AMHR2: variants seen among roughly 807,000 people sequenced by gnomAD.
AMHR2 encodes the protein anti-Muellerian hormone type-2 receptor.
Under a neutral mutation model 61.4 loss-of-function variants are expected in AMHR2, and 36 were observed. The observed-to-expected ratio is 0.59, with a 90% CI of 0.45 to 0.77. The LOEUF (loss-of-function observed/expected upper bound fraction) is 0.77, where lower values mean the gene tolerates loss of function less well. AMHR2 is among the 30% of genes least tolerant of loss of function. AMHR2 has a pLI of 0.00. For missense variants in AMHR2, 638 were observed against 714.6 expected, an observed-to-expected ratio of 0.89 and a Z score of 1.22; for synonymous variants, 258 against 279.4, an observed-to-expected ratio of 0.92 and a Z score of 0.76.
At position 53,431,222 on chromosome 12, in the gene AMHR2, G is replaced by C. The variant is rs780680518; in HGVS notation, c.1471G>C (p.Asp491His). 19 of 1,614,248 alleles carry C rather than the reference G, an allele frequency of 1.2e-5. No homozygotes were observed. The highest frequency in any genetic ancestry group is 1.5e-5 in the Non-Finnish European group (18 of 1,180,050). ...RELLEDCWDA[D>H]PEARLTAECV... ...GCTCCTAGAAGACTGTTGGGATGCAGACCCAGAAGCACGGCTGACAGCTGA... is the reference window on the plus strand; with the variant it reads ...GCTCCTAGAAGACTGTTGGGATGCACACCCAGAAGCACGGCTGACAGCTGA... The change falls in exon 11 of 11, where the codon GAC (aspartate) becomes CAC (histidine). Residue 491 changes from aspartate (D) to histidine (H), a missense_variant. Physicochemically the swap from Asp to His is moderately conservative, Grantham distance 81. Transcript: ENST00000257863.
At position 53,431,483 on chromosome 12, in the gene AMHR2, T is replaced by G. The variant is rs1470866001; in HGVS notation, c.*10T>G. 6.2e-7 allele frequency: 1 copy of G among 1,614,206 alleles called. No individual in the cohort carries two copies. The highest frequency in any genetic ancestry group is 1.7e-5 in the Admixed American group (1 of 60,032). On this transcript the variant is annotated 3_prime_UTR_variant, in exon 11 of 11. Coordinates refer to ENST00000257863, the MANE Select transcript of AMHR2 (RefSeq NM_020547.3). ...CCTTTCTCCTGTGTAAATATGCAGT[T>G]TATGTGTCATCAATGTACATGCCAA...
chr12:53,424,154 C>A, intron 1 of AMHR2, 134 bp from the exon 2 acceptor site: 2 of 1,369,150 alleles, frequency 1.5e-6, no homozygotes, highest in South Asian at 1.2e-5. Context: ...CCTCTGCTGA[C>A]CCTGCTTCCT....
rs115267458 is a variant in AMHR2, at chr12:53,425,829, C to T, written c.762C>T (p.His254=). 1.6e-4 allele frequency: 251 copies of T among 1,614,166 alleles called. No homozygotes were observed. Among genetic ancestry groups the T allele is most frequent in the East Asian group, 6.7e-4 (30 of 44,886 alleles). ...TGTACGAACTTCCAGGCCTACAGCA[C>T]GACCACATTGTCCGATTTATCACTG... is the stretch of plus-strand genomic sequence containing the variant. ...RALYELPGLQ[H]DHIVRFITAS... The change falls in exon 6 of 11, where the codon CAC becomes CAT. Residue 254 remains histidine (H), a synonymous_variant. Coordinates refer to ENST00000257863, the MANE Select transcript of AMHR2 (RefSeq NM_020547.3).
intron 8 of AMHR2, 75 bp downstream of exon 8, chr12:53,429,700 A>C: frequency 6.2e-7 from 1 of 1,601,192 alleles, no homozygotes; most frequent in Non-Finnish European, 8.5e-7. Context: ...ATTGTGTGTC[A>C]ACAGTTGTAG....
chr12:53,431,576 T>A lies in AMHR2; in HGVS notation c.*103T>A. On this transcript the variant is annotated 3_prime_UTR_variant, in exon 11 of 11. Transcript: ENST00000257863. ...CTGCATTTCCCACCTGCCGAATCCT[T>A]GGATTCTTCTGCGGGCATCCAGTCC... 1 of 1,460,492 alleles carries A rather than the reference T, an allele frequency of 6.8e-7. No homozygotes were observed. Among genetic ancestry groups the A allele is most frequent in the Non-Finnish European group, 9.5e-7 (1 of 1,053,766 alleles). The allele number at this position is 1,460,492 out of a possible 1,614,324, so 90.5% of individuals were successfully genotyped here.
Position 53,425,860 on chromosome 12 carries a change from C to CCG in AMHR2, c.793_794insCG (p.Arg265ProfsTer28). On this transcript the variant is annotated frameshift_variant, in exon 6 of 11. Coordinates refer to ENST00000257863, the MANE Select transcript of AMHR2 (RefSeq NM_020547.3). LOFTEE classifies it high-confidence loss of function. ...CATTGTCCGATTTATCACTGCCAGC[C>CCG]GGGGGGGTCCTGGCCGCCTGCTCTC... 5.0e-6 allele frequency: 8 copies of CCG among 1,613,876 alleles called. No homozygotes were observed. The highest frequency in any genetic ancestry group is 6.8e-6 in the Non-Finnish European group (8 of 1,179,982).
At chr12:53,430,368 C>G (rs1009327886) in intron 10 of AMHR2, 86 bp downstream of exon 10, 7 of 1,597,822 alleles carry the variant, frequency 4.4e-6, no homozygotes, top group Non-Finnish European at 6.0e-6. Flanking sequence ...GAGTGTCTGT[C>G]TACTCCTATC....
intron 6 of AMHR2, 142 bp from the exon 7 acceptor site, chr12:53,428,754 C>T (rs1194205537): frequency 1.1e-5 from 8 of 707,420 alleles, no homozygotes; most frequent in Non-Finnish European, 2.0e-5. Context: ...ACTCCTCTAC[C>T]TATTGTCTTG....
In AMHR2 at chr12:53,424,327, C is replaced by T. The variant is rs576863737; in HGVS notation, c.89C>T (p.Pro30Leu). ...NRRTCVFFEA[P>L]GVRGSTKTLG... ...CGAACCTGTGTGTTCTTTGAGGCCC[C>T]TGGAGTGCGGGGAAGCACAAAGACA... is the stretch of plus-strand genomic sequence containing the variant. The change falls in exon 2 of 11, where the codon CCT (proline) becomes CTT (leucine). Residue 30 changes from proline (P) to leucine (L), a missense_variant. Transcript: ENST00000257863. 3.3e-5 allele frequency: 54 copies of T among 1,613,016 alleles called. 1 individual carries two copies. The South Asian group carries it at 5.5e-4, about 16-fold the overall frequency.
intron 1 of AMHR2, 72 bp downstream of exon 1, chr12:53,424,055 C>T: frequency 1.3e-6 from 2 of 1,565,400 alleles, no homozygotes; most frequent in East Asian, 2.2e-5. Context: ...GAAGCAAGAG[C>T]CACCCCTTTG....
At chr12:53,425,085 C>T (rs575944902) in intron 3 of AMHR2, 80 bp from the exon 4 acceptor site, 70 of 1,605,058 alleles carry the variant, frequency 4.4e-5, no homozygotes, top group Admixed American at 6.7e-5. Flanking sequence ...TGGGTTGAGA[C>T]GCAAGCTCTC....
At chr12:53,429,393 A>G (rs79616306) in intron 7 of AMHR2, 60 bp from the exon 8 acceptor site, 2 of 1,245,506 alleles carry the variant, frequency 1.6e-6, no homozygotes, top group Non-Finnish European at 2.2e-6. Context: ...CGCCGACTCA[A>G]AAAAAAAAAA....
At chr12:53,424,241 A>G in intron 1 of AMHR2, 47 bp from the exon 2 acceptor site, 1 of 1,610,720 alleles carries the variant, frequency 6.2e-7, no homozygotes, top group Non-Finnish European at 8.5e-7. Flanking sequence ...TTGCCTCTGC[A>G]TTCACTCCCA....
rs756370409 is a variant in AMHR2, at chr12:53,431,520, CG to C, written c.*48del. On this transcript the variant is annotated 3_prime_UTR_variant, in exon 11 of 11. Coordinates refer to ENST00000257863, the MANE Select transcript of AMHR2 (RefSeq NM_020547.3). Reference sequence around the variant, plus strand: ...AATGTACATGCCAACATAAATATGGCGATTGTATAGCTGTCTTGTCTGCCTC... The same window carrying C: ...AATGTACATGCCAACATAAATATGGCATTGTATAGCTGTCTTGTCTGCCTC... 2 of 1,609,162 alleles carry C rather than the reference CG, an allele frequency of 1.2e-6. No individual in the cohort carries two copies. Among genetic ancestry groups the C allele is most frequent in the South Asian group, 2.2e-5 (2 of 90,952 alleles).
intron 6 of AMHR2, among the ~76,000 whole-genome samples, chr12:53,427,945 A>T (rs540283121): frequency 6.6e-6 from 1 of 152,270 alleles, no homozygotes; most frequent in East Asian, 1.9e-4. Context: ...TAAGTAGTTC[A>T]ACCTCCACCA....
Position 53,424,428 on chromosome 12 carries a change from A to C in AMHR2, c.190A>C (p.Ile64Leu). Residue 64 changes from isoleucine to leucine, a missense_variant, in exon 2 of 11, where the codon ATC becomes CTC. Ile to Leu is a conservative substitution (Grantham distance 5). Transcript: ENST00000257863. The part of the protein sequence containing the change: ...RCLYSRCCFG[I>L]WNLTQDRAQV... ...CCTCTACAGCCGCTGCTGCTTTGGGATCTGGAACCTGACCCAAGACCGGGC... is the reference window on the plus strand; with the variant it reads ...CCTCTACAGCCGCTGCTGCTTTGGGCTCTGGAACCTGACCCAAGACCGGGC... 1.2e-6 allele frequency: 2 copies of C among 1,613,656 alleles called. No individual in the cohort carries two copies. Among genetic ancestry groups the C allele is most frequent in the Non-Finnish European group, 1.7e-6 (2 of 1,179,880 alleles).
intron 6 of AMHR2, among the ~76,000 whole-genome samples, chr12:53,427,938 G>A (rs758298478): frequency 2.6e-5 from 4 of 152,152 alleles, no homozygotes; most frequent in Non-Finnish European, 4.4e-5. Context: ...CCTATTGTAA[G>A]TAGTTCAACC....
At chr12:53,429,284 C>A (rs538575036) in intron 7 of AMHR2, among the ~76,000 whole-genome samples, 169 bp from the exon 8 acceptor site, 1 of 151,508 alleles carries the variant, frequency 6.6e-6, no homozygotes, top group South Asian at 2.1e-4. Flanking sequence ...CCCAGCTACT[C>A]GGGAGGCTGA....
intron 6 of AMHR2, among the ~76,000 whole-genome samples, chr12:53,428,455 G>A (rs1470215009): frequency 2.0e-5 from 3 of 152,294 alleles, no homozygotes; most frequent in East Asian, 1.9e-4. Context: ...TGTCTTTGCC[G>A]CATGTCTTCT....
Sources: allele counts gnomAD v4.1 joint callset (sites outside exome capture counted in the v4.1 genomes callset), GRCh38; gene constraint gnomAD v4.1.1; transcripts MANE v1.5; gene names NCBI Gene and HGNC (gene_info 2026-07-23, HGNC 2026-07-21).